Variants in GRM8 observed in about 807,000 individuals in gnomAD.
GRM8 encodes the protein metabotropic glutamate receptor 8.
Under a neutral mutation model 87.2 loss-of-function variants are expected in GRM8, and 47 were observed. The ratio of observed to expected loss-of-function variants is 0.54; its 90% CI spans 0.43 to 0.69. The LOEUF is 0.69. GRM8 is among the 30% of genes least tolerant of loss of function. The pLI is 0.00. For synonymous variants in GRM8, 396 were observed against 404.5 expected (o/e 0.98, Z 0.25); for missense variants, 1,019 against 1,139.2 (o/e 0.89, Z 1.52).
At chr7:127,227,405 G>A (rs180854851) in intron 2 of GRM8, among the ~76,000 whole-genome samples, 38 of 152,274 alleles carry the variant, frequency 2.5e-4, no homozygotes, top group African/African-American at 7.7e-4. Flanking sequence ...AACCATTCTA[G>A]ACTCTAGATT....
At chr7:126,806,427 A>G (rs560388429) in intron 6 of GRM8, among the ~76,000 whole-genome samples, 2 of 152,368 alleles carry the variant, frequency 1.3e-5, no homozygotes, top group Admixed American at 6.5e-5. Flanking sequence ...AAAACCTCCA[A>G]AGTCCAGAAG....
At chr7:126,842,602 C>T (rs771886223) in intron 6 of GRM8, among the ~76,000 whole-genome samples, 7 of 152,048 alleles carry the variant, frequency 4.6e-5, no homozygotes, top group Non-Finnish European at 7.4e-5. Flanking sequence ...AGAAGATTAC[C>T]CTGGATTATC....
At chr7:126,994,619 T>C (rs1167492903) in intron 3 of GRM8, among the ~76,000 whole-genome samples, 1 of 152,088 alleles carries the variant, frequency 6.6e-6, no homozygotes, top group Non-Finnish European at 1.5e-5. Context: ...CCCTATGGGC[T>C]AGTGGTGGTG....
intron 3 of GRM8, among the ~76,000 whole-genome samples, chr7:127,046,209 A>C (rs1285261307): frequency 6.6e-6 from 1 of 152,008 alleles, no homozygotes; most frequent in Non-Finnish European, 1.5e-5. Context: ...GTCTCTACTA[A>C]AAATACAAAA....
chr7:126,760,458 C>T lies in GRM8; in HGVS notation c.1357+9407G>A, dbSNP rs575596331. 3.3e-5 allele frequency among the ~76,000 whole-genome samples: 5 copies of T among 152,266 alleles called. No homozygotes were observed. In the East Asian group the frequency reaches 5.8e-4, roughly 18 times the overall value. On this transcript the variant is annotated intron_variant, in intron 7 of 10. Coordinates refer to ENST00000339582, the MANE Select transcript of GRM8 (RefSeq NM_000845.3). ...GAAAACCCCACAGTTTAACACCTCA[C>T]TCGGTTAGAAAACAGAGGCAGGTAG... is the stretch of plus-strand genomic sequence containing the variant.
chr7:126,454,161 A>T (rs1482812095), intron 9 of GRM8, among the ~76,000 whole-genome samples: 1 of 151,840 alleles, frequency 6.6e-6, no homozygotes, highest in Non-Finnish European at 1.5e-5. Flanking sequence ...TTTCAGGAAC[A>T]AAATTTATCT....
chr7:126,864,678 T>C (rs1356489265), intron 6 of GRM8, among the ~76,000 whole-genome samples: 2 of 152,210 alleles, frequency 1.3e-5, no homozygotes, highest in Non-Finnish European at 2.9e-5. Flanking sequence ...CAGATTATTC[T>C]ATATTTCTAG....
In GRM8 at chr7:126,634,018, G is replaced by C. The variant is rs567809623; in HGVS notation, c.1358-24520C>G. On this transcript the variant is annotated intron_variant, in intron 7 of 10. Coordinates refer to ENST00000339582, the MANE Select transcript of GRM8 (RefSeq NM_000845.3). ...TTTTATAGATTTTATTAGTATATTA[G>C]TTATCTTTTACAGAAGATAAACTAC... 2.0e-5 allele frequency among the ~76,000 whole-genome samples: 3 copies of C among 152,002 alleles called. No homozygotes were observed. The East Asian group carries it at 5.8e-4, about 29-fold the overall frequency.
intron 8 of GRM8, among the ~76,000 whole-genome samples, chr7:126,535,110 C>A (rs1382032459): frequency 6.6e-6 from 1 of 152,132 alleles, no homozygotes; most frequent in Non-Finnish European, 1.5e-5. Context: ...TACTAATAAT[C>A]CAAAAGAATT....
At chr7:126,638,617 T>G (rs772505307) in intron 7 of GRM8, among the ~76,000 whole-genome samples, 11 of 152,172 alleles carry the variant, frequency 7.2e-5, no homozygotes, top group Non-Finnish European at 1.5e-4. Flanking sequence ...GAGAATGGAA[T>G]GGAGTACCAT....
chr7:127,199,796 G>A (rs777415664), intron 2 of GRM8, among the ~76,000 whole-genome samples: 5 of 152,276 alleles, frequency 3.3e-5, no homozygotes, highest in South Asian at 4.2e-4. Context: ...AGAGGAACAC[G>A]ATGATGGCAG....
At chr7:127,035,938 C>T (rs1817801928) in intron 3 of GRM8, among the ~76,000 whole-genome samples, 3 of 152,290 alleles carry the variant, frequency 2.0e-5, no homozygotes, top group African/African-American at 4.8e-5. Context: ...AGGTATTTCT[C>T]TCTTCTGACT....
intron 2 of GRM8, among the ~76,000 whole-genome samples, chr7:127,158,740 A>T (rs1033875462): frequency 2.6e-5 from 4 of 152,030 alleles, no homozygotes; most frequent in African/African-American, 9.7e-5. Flanking sequence ...TTCATCAGGT[A>T]TTAGGTTCTA....
intron 3 of GRM8, among the ~76,000 whole-genome samples, chr7:127,043,729 C>T (rs933170535): frequency 4.0e-5 from 6 of 151,850 alleles, no homozygotes; most frequent in Non-Finnish European, 8.8e-5. Context: ...CAAACCTGCA[C>T]GTTGTGCACA....
chr7:126,778,792 A>T (rs1819744565), intron 6 of GRM8, among the ~76,000 whole-genome samples: 2 of 152,132 alleles, frequency 1.3e-5, no homozygotes, highest in South Asian at 4.1e-4. Flanking sequence ...TGTTACAGTC[A>T]TTTCAGACCC....
chr7:126,729,065 C>G (rs1411033956), intron 7 of GRM8, among the ~76,000 whole-genome samples: 1 of 152,134 alleles, frequency 6.6e-6, no homozygotes. Flanking sequence ...CTTCACAGCC[C>G]TTGAGTGCAA....
chr7:126,608,260 C>T (rs1267989337), intron 8 of GRM8, among the ~76,000 whole-genome samples: 1 of 151,990 alleles, frequency 6.6e-6, no homozygotes, highest in Non-Finnish European at 1.5e-5. Context: ...AGCAGCTCTC[C>T]CCAAATCCCC....
chr7:126,790,958 A>G (rs947376146), intron 6 of GRM8, among the ~76,000 whole-genome samples: 11 of 152,134 alleles, frequency 7.2e-5, no homozygotes, highest in South Asian at 6.2e-4. Context: ...GGCAGTTGGT[A>G]GGAAATTTCA....
intron 7 of GRM8, among the ~76,000 whole-genome samples, chr7:126,694,122 T>G (rs1440572793): frequency 1.3e-5 from 2 of 151,676 alleles, no homozygotes; most frequent in African/African-American, 2.4e-5. Flanking sequence ...CTATATATAG[T>G]TATATTTATT....
Sources: gnomAD v4.1 joint callset for allele counts (sites outside exome capture counted in the v4.1 genomes callset) on GRCh38, gnomAD v4.1.1 for gene constraint, MANE v1.5 for transcripts, NCBI Gene and HGNC (gene_info 2026-07-23, HGNC 2026-07-21) for gene names.